L3MBTL2: variants seen among roughly 807,000 people sequenced by gnomAD.
The protein encoded by L3MBTL2 is lethal(3)malignant brain tumor-like protein 2.
In L3MBTL2, 49 loss-of-function variants were observed where a neutral mutation model predicts 86.4. That is an observed-to-expected ratio of 0.57 (90% CI 0.45 to 0.72). The LOEUF (loss-of-function observed/expected upper bound fraction) is 0.72. Ranked by LOEUF, L3MBTL2 falls within the 30% of genes least tolerant of loss-of-function variation. The probability of loss-of-function intolerance (pLI) is 0.00; values close to 1 mark genes in which losing one functional copy is unlikely to be tolerated. For missense variants in L3MBTL2, 755 were observed against 923.7 expected (o/e 0.82, Z 2.37); for synonymous variants, 336 against 350.6 (o/e 0.96, Z 0.47).
chr22:41,206,853 G>C (rs574177242), intron 1 of L3MBTL2, among the ~76,000 whole-genome samples: 1 of 152,030 alleles, frequency 6.6e-6, no homozygotes, highest in Non-Finnish European at 1.5e-5. Flanking sequence ...TGCATGTGTA[G>C]TTGCAAATAT....
At chr22:41,221,755 C>T (rs1384473282) in intron 8 of L3MBTL2, among the ~76,000 whole-genome samples, 3 of 151,994 alleles carry the variant, frequency 2.0e-5, no homozygotes, top group Admixed American at 1.3e-4. Flanking sequence ...TACAGGCGCC[C>T]ACCACGCCCA....
In L3MBTL2 at chr22:41,225,129, CCCAGAGCT is replaced by C; in HGVS notation, c.1356+60_1356+67del. 1 of 1,410,924 alleles carries C rather than the reference CCCAGAGCT, an allele frequency of 7.1e-7. No homozygotes were observed. Among genetic ancestry groups the C allele is most frequent in the Non-Finnish European group, 9.9e-7 (1 of 1,013,172 alleles). 87.4% of individuals were successfully genotyped at this position (1,410,924 alleles called of 1,614,324 possible). A position where few individuals can be genotyped will look rare whatever the true frequency, so the allele number is the denominator to read the frequency against. The stretch of plus-strand genomic sequence containing the variant: ...TTTCTGAGCGGGGGGACCCATGTGG[CCCAGAGCT>C]CTAACCCCACTCGCCACCGTCAGGG... On this transcript the variant is annotated intron_variant, in intron 11 of 16. Transcript: ENST00000216237. The surrounding 1 kb of genome is among the most constrained non-coding windows in gnomAD (Gnocchi z 4.1).
In L3MBTL2 at chr22:41,224,506, G is replaced by A. The variant is rs75021313; in HGVS notation, c.1175-219G>A. 6.6e-6 allele frequency among the ~76,000 whole-genome samples: 1 copy of A among 152,148 alleles called. No homozygotes were observed. Among genetic ancestry groups the A allele is most frequent in the African/African-American group, 2.4e-5 (1 of 41,402 alleles). The stretch of plus-strand genomic sequence containing the variant: ...TCCCCTGTCAATGCGGGAGCAGTCT[G>A]GGTTTCGAGGGCTGAAGAGTCCCTA... On this transcript the variant is annotated intron_variant, in intron 9 of 16. Transcript: ENST00000216237. The surrounding 1 kb of genome is among the most constrained non-coding windows in gnomAD (Gnocchi z 4.9).
intron 1 of L3MBTL2, 139 bp downstream of exon 1, chr22:41,205,525 C>A: frequency 9.6e-7 from 1 of 1,042,212 alleles, no homozygotes; most frequent in Non-Finnish European, 1.5e-6. Flanking sequence ...TAAACTGAGC[C>A]AGGGGCAGAG....
In L3MBTL2 at chr22:41,209,949, C is replaced by T. The variant is rs2030584086; in HGVS notation, c.262+16C>T. On this transcript the variant is annotated intron_variant, in intron 2 of 16. Transcript: ENST00000216237. ...TCTGAGCCAGGTGCCTTCAGAGTGT[C>T]CCCTGAGGATGGAGAGGAGATAGAA... is the stretch of plus-strand genomic sequence containing the variant. 1.9e-6 allele frequency: 3 copies of T among 1,611,504 alleles called. No homozygotes were observed. Among genetic ancestry groups the T allele is most frequent in the Admixed American group, 3.3e-5 (2 of 59,890 alleles).
intron 5 of L3MBTL2, 35 bp downstream of exon 5, chr22:41,217,237 G>T (rs770680182): frequency 3.9e-5 from 61 of 1,549,980 alleles, no homozygotes; most frequent in Admixed American, 8.3e-5. Context: ...GGAGGCCGGG[G>T]AGCCGGGCCT....
Position 41,225,285 on chromosome 22 carries a change from G to A in L3MBTL2, c.1356+214G>A, listed in dbSNP as rs982493131. On this transcript the variant is annotated intron_variant, in intron 11 of 16. Transcript: ENST00000216237. This position sits in a 1 kb window ranked among gnomAD's most constrained non-coding sequence, Gnocchi z 4.1. ...TCAGGGTCCAAGGCTCCCTGGACGA[G>A]TGCTTATTCAACACCTGAGCCTGGT... Among the ~76,000 whole-genome samples, 5 of 152,204 alleles carry A rather than the reference G, an allele frequency of 3.3e-5. No individual in the cohort carries two copies. The highest frequency in any genetic ancestry group is 9.7e-5 in the African/African-American group (4 of 41,446).
In L3MBTL2 at chr22:41,224,950, T is replaced by C. The variant is rs1427201689; in HGVS notation, c.1252-17T>C. On this transcript the variant is annotated splice_polypyrimidine_tract_variant and intron_variant, in intron 10 of 16. Coordinates refer to ENST00000216237, the MANE Select transcript of L3MBTL2 (RefSeq NM_031488.5). The surrounding 1 kb of genome is among the most constrained non-coding windows in gnomAD (Gnocchi z 4.9). The stretch of plus-strand genomic sequence containing the variant: ...CTGGCCTGCCCAGGGAGTCCCCAGC[T>C]GTCCCATTCCTTTAAGGTACGAGCA... 1 of 1,609,484 alleles carries C rather than the reference T, an allele frequency of 6.2e-7. No homozygotes were observed. Among genetic ancestry groups the C allele is most frequent in the African/African-American group, 1.3e-5 (1 of 74,772 alleles).
Position 41,211,557 on chromosome 22 carries a change from C to CTTTCTTTTTTTTTTTTTTTTTTTTTTTT in L3MBTL2, c.262+1627_262+1628insCTTTTTTTTTTTTTTTTTTTTTTTTTTT, listed in dbSNP as rs1039028243. 2.1e-5 allele frequency among the ~76,000 whole-genome samples: 2 copies of CTTTCTTTTTTTTTTTTTTTTTTTTTTTT among 97,392 alleles called. 1 individual carries two copies. The highest frequency in any genetic ancestry group is 6.7e-4 in the South Asian group (2 of 2,972). 63.9% of individuals were successfully genotyped at this position (97,392 alleles called of 152,430 possible). On this transcript the variant is annotated intron_variant, in intron 2 of 16. Transcript: ENST00000216237. ...ACTCTTTGCAGTTGAATCTTATTTC[C>CTTTCTTTTTTTTTTTTTTTTTTTTTTTT]TTTTTTTTTTTTTTTTTGAGACGGA...
rs966645791 is a variant in L3MBTL2, at chr22:41,227,292, C to T, written c.1791C>T (p.Thr597=). ...DIYPVGWCEL[T]GYQLQPPVAA... ...ACCCCGTCGGCTGGTGTGAGCTCAC[C>T]GGCTACCAGCTCCAGCCTCCTGTGG... The change falls in exon 14 of 17, where the codon ACC becomes ACT. Residue 597 remains threonine, a synonymous_variant. Transcript: ENST00000216237. The surrounding 1 kb of genome is among the most constrained non-coding windows in gnomAD (Gnocchi z 6.0). 12 of 1,607,968 alleles carry T rather than the reference C, an allele frequency of 7.5e-6. No individual in the cohort carries two copies. Among genetic ancestry groups the T allele is most frequent in the African/African-American group, 5.3e-5 (4 of 74,814 alleles).
chr22:41,225,668 C>A lies in L3MBTL2; in HGVS notation c.1357-126C>A. 1 of 956,536 alleles carries A rather than the reference C, an allele frequency of 1.0e-6. No individual in the cohort carries two copies. The highest frequency in any genetic ancestry group is 1.5e-6 in the Non-Finnish European group (1 of 655,698). The allele number at this position is 956,536 out of a possible 1,614,324, so 59.3% of individuals were successfully genotyped here. A position where few individuals can be genotyped will look rare whatever the true frequency, so the allele number is the denominator to read the frequency against. On this transcript the variant is annotated intron_variant, in intron 11 of 16. Transcript: ENST00000216237. The surrounding 1 kb of genome is among the most constrained non-coding windows in gnomAD (Gnocchi z 4.1). ...GCCCCAGAGAGGCTCAGGTGTCCTC[C>A]AGGAGGGCCATGCCCTAGATCCGTT...
chr22:41,227,480 C>T lies in L3MBTL2; in HGVS notation c.1822+157C>T. 1 of 1,228,132 alleles carries T rather than the reference C, an allele frequency of 8.1e-7. No homozygotes were observed. The highest frequency in any genetic ancestry group is 1.3e-5 in the South Asian group (1 of 76,300). The allele number at this position is 1,228,132 out of a possible 1,614,324, so 76.1% of individuals were successfully genotyped here. A position where few individuals can be genotyped will look rare whatever the true frequency, so the allele number is the denominator to read the frequency against. On this transcript the variant is annotated intron_variant, in intron 14 of 16. Coordinates refer to ENST00000216237, the MANE Select transcript of L3MBTL2 (RefSeq NM_031488.5). This position sits in a 1 kb window ranked among gnomAD's most constrained non-coding sequence, Gnocchi z 6.0. ...AGTGAGCCCCGTCACCCAGCCCCTG[C>T]TCCTGACTTCTCTGTCTCCCTTTCC...
intron 15 of L3MBTL2, chr22:41,228,621 T>C (rs2032357960): frequency 1.7e-6 from 1 of 596,278 alleles, no homozygotes; most frequent in Admixed American, 6.3e-5. Context: ...GAGGCCGAGG[T>C]GGGCGGATCA....
Position 41,225,177 on chromosome 22 carries a change from CCT to C in L3MBTL2, c.1356+110_1356+111del. ...CACCGTCAGGGGGTCTGTGTCCCAG[CCT>C]CTCATCACTGGCTGCACCCAGAGTC... On this transcript the variant is annotated intron_variant, in intron 11 of 16. Transcript: ENST00000216237. This position sits in a 1 kb window ranked among gnomAD's most constrained non-coding sequence, Gnocchi z 4.1. 1.2e-6 allele frequency: 1 copy of C among 832,520 alleles called. No individual in the cohort carries two copies. Among genetic ancestry groups the C allele is most frequent in the South Asian group, 1.7e-5 (1 of 57,790 alleles). The allele number at this position is 832,520 out of a possible 1,614,324, so 51.6% of individuals were successfully genotyped here. A position where few individuals can be genotyped will look rare whatever the true frequency, so the allele number is the denominator to read the frequency against.
intron 1 of L3MBTL2, among the ~76,000 whole-genome samples, chr22:41,208,810 C>T (rs1312446881): frequency 1.3e-5 from 2 of 152,190 alleles, no homozygotes; most frequent in Admixed American, 1.3e-4. Context: ...GTGGCGCGAT[C>T]TTAGCTCGCT....
In L3MBTL2 at chr22:41,224,796, A is replaced by G; in HGVS notation, c.1246A>G (p.Lys416Glu). 1 of 1,612,652 alleles carries G rather than the reference A, an allele frequency of 6.2e-7. No homozygotes were observed. Among genetic ancestry groups the G allele is most frequent in the Non-Finnish European group, 8.5e-7 (1 of 1,178,734 alleles). The part of the protein sequence containing the change: ...IYCDAVPYLF[K>E]KVRAVYTEGG... ...CTGTGATGCCGTTCCTTACCTCTTC[A>G]AGAAGGTGAGGTTCAGCTCTTGGGC... The change falls in exon 10 of 17, where the codon AAG becomes GAG. Residue 416 changes from lysine (K) to glutamate (E), a missense_variant. Physicochemically the swap from Lys to Glu is moderately conservative, Grantham distance 56 (BLOSUM62 1). Transcript: ENST00000216237. This position sits in a 1 kb window ranked among gnomAD's most constrained non-coding sequence, Gnocchi z 4.9.
intron 2 of L3MBTL2, among the ~76,000 whole-genome samples, chr22:41,211,573 T>TTTTTTTTTTTTTTTTTTTTTTTTTTTC (rs758875511): frequency 7.2e-6 from 1 of 139,498 alleles, no homozygotes; most frequent in African/African-American, 2.7e-5. Context: ...TTTTTTTTTT[T>TTTTTTTTTTTTTTTTTTTTTTTTTTTC]TGAGACGGAG....
At chr22:41,210,140 T>TTTA in intron 2 of L3MBTL2, 2 of 421,128 alleles carry the variant, frequency 4.7e-6, no homozygotes, top group Non-Finnish European at 4.1e-6. Flanking sequence ...TGAAGTCTAA[T>TTTA]TTCTTTTTTT....
intron 6 of L3MBTL2, 30 bp from the exon 7 acceptor site, chr22:41,220,704 C>T: frequency 6.3e-7 from 1 of 1,593,662 alleles, no homozygotes; most frequent in African/African-American, 1.3e-5. Flanking sequence ...GCTCACCCTC[C>T]CTCACAGGTG....
Sources: gnomAD v4.1 joint callset for allele counts (sites outside exome capture counted in the v4.1 genomes callset) on GRCh38, gnomAD v4.1.1 for gene constraint, Gnocchi (gnomAD v3.1) non-coding constraint, MANE v1.5 for transcripts, NCBI Gene and HGNC (gene_info 2026-07-23, HGNC 2026-07-21) for gene names.